The following ANKRD17 variants were observed in gnomAD, a reference collection of about 807,000 sequenced individuals.
ANKRD17 encodes ankyrin repeat domain 17.
ANKRD17 carries 19 observed loss-of-function variants against 229.7 expected under a neutral mutation model. The ratio of observed to expected loss-of-function variants is 0.08; its 90% CI spans 0.06 to 0.12. The LOEUF (loss-of-function observed/expected upper bound fraction) is 0.12, where lower values mean the gene tolerates loss of function less well. Ranked by LOEUF, ANKRD17 falls within the 10% of genes least tolerant of loss-of-function variation. The pLI, the probability that ANKRD17 is intolerant of heterozygous loss-of-function variation, is 1.00. For missense variants in ANKRD17, 2,176 were observed against 3,176.8 expected, an observed-to-expected ratio of 0.68 and a Z score of 7.57; for synonymous variants, 1,112 against 1,146.1, an observed-to-expected ratio of 0.97 and a Z score of 0.60.
chr4:73,210,620 C>G (rs527525579), intron 1 of ANKRD17, among the ~76,000 whole-genome samples: 1 of 152,244 alleles, frequency 6.6e-6, no homozygotes, highest in South Asian at 2.1e-4. Context: ...CTAGTACTTA[C>G]ACTACATTAT....
chr4:73,194,364 T>C (rs1737552623), intron 1 of ANKRD17, among the ~76,000 whole-genome samples: 1 of 152,236 alleles, frequency 6.6e-6, no homozygotes, highest in Non-Finnish European at 1.5e-5. Flanking sequence ...ACATTTTCTC[T>C]ATTGAATTGC....
chr4:73,161,913 G>A (rs912441420), intron 2 of ANKRD17, among the ~76,000 whole-genome samples: 3 of 151,818 alleles, frequency 2.0e-5, no homozygotes, highest in Non-Finnish European at 2.9e-5. Flanking sequence ...GTCTTATTCT[G>A]TCACCCAAGC....
intron 16 of ANKRD17, among the ~76,000 whole-genome samples, chr4:73,133,030 T>C (rs143368786): frequency 2.0e-3 from 303 of 152,230 alleles, no homozygotes; most frequent in African/African-American, 7.0e-3. Flanking sequence ...GCAGATCACC[T>C]GAGGTCAACG....
chr4:73,168,459 T>A (rs1012321110), intron 2 of ANKRD17, among the ~76,000 whole-genome samples: 6 of 152,286 alleles, frequency 3.9e-5, no homozygotes, highest in African/African-American at 1.4e-4. Flanking sequence ...TATATATATA[T>A]ACACTCCTCA....
intron 30 of ANKRD17, among the ~76,000 whole-genome samples, chr4:73,081,656 C>A (rs1468469820): frequency 6.6e-6 from 1 of 151,986 alleles, no homozygotes; most frequent in African/African-American, 2.4e-5. Flanking sequence ...CTTAAACTTA[C>A]AAAATTTTGG....
At chr4:73,244,646 A>T (rs1744329838) in intron 1 of ANKRD17, among the ~76,000 whole-genome samples, 1 of 152,116 alleles carries the variant, frequency 6.6e-6, no homozygotes, top group South Asian at 2.1e-4. Flanking sequence ...ATAAAAGAAT[A>T]ACAAACTTCT....
chr4:73,101,664 CAAAAAAAAA>C (rs71215484), intron 25 of ANKRD17, among the ~76,000 whole-genome samples: 1 of 111,484 alleles, frequency 9.0e-6, no homozygotes, highest in South Asian at 3.1e-4. Flanking sequence ...GACTCGGTCT[CAAAAAAAAA>C]AAAAAAAAGG....
intron 6 of ANKRD17, among the ~76,000 whole-genome samples, chr4:73,152,400 A>T (rs1036135514): frequency 5.3e-5 from 8 of 151,848 alleles, no homozygotes; most frequent in Non-Finnish European, 1.2e-4. Context: ...CCCAAAATCC[A>T]CATTAGTGCT....
chr4:73,239,445 C>A (rs1455308310), intron 1 of ANKRD17, among the ~76,000 whole-genome samples: 1 of 152,148 alleles, frequency 6.6e-6, no homozygotes, highest in Non-Finnish European at 1.5e-5. Context: ...AGGGAATACT[C>A]ACAGCCATTT....
At position 73,078,831 on chromosome 4, in the gene ANKRD17, C is replaced by T. The variant is rs748017210; in HGVS notation, c.7219G>A (p.Val2407Ile). The T allele has an allele frequency of 4.3e-5, 69 of 1,613,994 alleles. No individual in the cohort carries two copies. The South Asian group carries it at 6.8e-4, about 16-fold the overall frequency. The change falls in exon 31 of 34, where the codon GTA (valine) becomes ATA (isoleucine). Residue 2407 changes from valine to isoleucine, a missense_variant. Physicochemically the swap from Val to Ile is conservative, Grantham distance 29. Transcript: ENST00000358602. ...VRAPSPAPSS[V>I]PLGSEKPSNV... ...CTGGGCTTTTCTGACCCTAACGGTACTGATGATGGGGCAGGAGATGGTGCA... is the reference window on the plus strand; with the variant it reads ...CTGGGCTTTTCTGACCCTAACGGTATTGATGATGGGGCAGGAGATGGTGCA...
chr4:73,157,365 C>A (rs1173732460), intron 3 of ANKRD17, among the ~76,000 whole-genome samples: 1 of 151,690 alleles, frequency 6.6e-6, no homozygotes, highest in African/African-American at 2.4e-5. Context: ...CAAATCCAGG[C>A]AAAGAAAAAG....
intron 1 of ANKRD17, among the ~76,000 whole-genome samples, chr4:73,229,542 T>A (rs1742843622): frequency 6.6e-6 from 1 of 151,132 alleles, no homozygotes; most frequent in African/African-American, 2.4e-5. Context: ...AAAAAAAATT[T>A]AAAAAATCCT....
intron 1 of ANKRD17, among the ~76,000 whole-genome samples, chr4:73,233,502 G>C (rs1351504677): frequency 6.6e-6 from 1 of 152,072 alleles, no homozygotes; most frequent in Non-Finnish European, 1.5e-5. Flanking sequence ...ATTACTACTT[G>C]AAGAAATGTT....
Position 73,161,265 on chromosome 4 carries a change from C to G in ANKRD17, c.631G>C (p.Ala211Pro). 1 of 1,614,212 alleles carries G rather than the reference C, an allele frequency of 6.2e-7. No individual in the cohort carries two copies. ...AGTGCAGCAGCAGCTTCATCCAACG[C>G]ACAACTAACAGACGATGTCAACCTC... ...LRRLTSSVSC[A>P]LDEAAAALTR... Residue 211 changes from alanine (A) to proline (P), a missense_variant, in exon 3 of 34, where the codon GCG (alanine) becomes CCG (proline). By Grantham distance (27) the Ala-to-Pro change is conservative (BLOSUM62 -1). This residue lies in a region of ANKRD17 where 184 missense variants were observed against 357.8 expected (regional missense o/e 0.51). Coordinates refer to ENST00000358602, the MANE Select transcript of ANKRD17 (RefSeq NM_032217.5).
Position 73,091,130 on chromosome 4 carries a change from G to A in ANKRD17, c.6498C>T (p.Cys2166=), listed in dbSNP as rs1225304655. The A allele has an allele frequency of 7.4e-6, 12 of 1,614,000 alleles. No individual in the cohort carries two copies. The highest frequency in any genetic ancestry group is 9.3e-6 in the Non-Finnish European group (11 of 1,180,038). Residue 2166 remains cysteine, a synonymous_variant, in exon 29 of 34, where the codon TGC becomes TGT. Transcript: ENST00000358602. ...TYPMPQTPMG[C]PQPTPKMETP... The stretch of plus-strand genomic sequence containing the variant: ...TTTCCATTTTAGGAGTAGGCTGGGG[G>A]CATCCCATTGGTGTCTGAGGCATAG...
Position 73,088,996 on chromosome 4 carries a change from C to T in ANKRD17, c.6961+1671G>A, listed in dbSNP as rs552573636. 3.3e-5 allele frequency among the ~76,000 whole-genome samples: 5 copies of T among 152,102 alleles called. No homozygotes were observed. The East Asian group carries it at 9.6e-4, about 29-fold the overall frequency. ...GTTTCAGTAAAGCTTTCTCTACAAA[C>T]ACTGAAATTAAAATTTCATATTTTG... On this transcript the variant is annotated intron_variant, in intron 29 of 33. Coordinates refer to ENST00000358602, the MANE Select transcript of ANKRD17 (RefSeq NM_032217.5).
rs1464318966 is a variant in ANKRD17, at chr4:73,125,075, ATCT to A, written c.3347-20_3347-18del. 1.2e-6 allele frequency: 2 copies of A among 1,613,816 alleles called. No individual in the cohort carries two copies. The highest frequency in any genetic ancestry group is 2.7e-5 in the African/African-American group (2 of 74,910). ...GAGTAAAACCTGGAGAAAAATAATG[ATCT>A]TCTCACTACATGCTAAGGCAAAAGA... On this transcript the variant is annotated intron_variant, in intron 17 of 33. Transcript: ENST00000358602.
chr4:73,163,029 CT>C (rs769597979), intron 2 of ANKRD17, among the ~76,000 whole-genome samples: 557 of 135,716 alleles, frequency 4.1e-3, no homozygotes, highest in South Asian at 0.017. Flanking sequence ...TGGCTAATTG[CT>C]TTTTTTTTTT....
At chr4:73,140,529 T>C (rs573787887) in intron 14 of ANKRD17, among the ~76,000 whole-genome samples, 2 of 152,324 alleles carry the variant, frequency 1.3e-5, no homozygotes, top group African/African-American at 4.8e-5. Context: ...TGGCTTAAAT[T>C]AGACAATAGA....
Sources: gnomAD v4.1 joint callset for allele counts (sites outside exome capture counted in the v4.1 genomes callset) on GRCh38, gnomAD v4.1.1 for gene constraint, gnomAD v4.1.1 regional missense constraint, MANE v1.5 for transcripts, NCBI Gene and HGNC (gene_info 2026-07-23, HGNC 2026-07-21) for gene names.